UBASH3B: variants seen among roughly 807,000 people sequenced by gnomAD.
UBASH3B encodes the protein ubiquitin-associated and SH3 domain-containing protein B.
In UBASH3B, 37 loss-of-function variants were observed where a neutral mutation model predicts 83.4. The observed-to-expected ratio is 0.44, with a 90% CI of 0.34 to 0.58. The LOEUF (loss-of-function observed/expected upper bound fraction) is 0.58. Among genes scored for constraint, UBASH3B ranks in the 20% least tolerant of loss-of-function variants. The pLI is 0.01. For synonymous variants in UBASH3B, 304 were observed against 318.3 expected (o/e 0.96, Z 0.48); for missense variants, 657 against 827.2 (o/e 0.79, Z 2.52).
At chr11:122,732,454 C>G (rs1860858872) in intron 1 of UBASH3B, among the ~76,000 whole-genome samples, 1 of 152,186 alleles carries the variant, frequency 6.6e-6, no homozygotes, top group African/African-American at 2.4e-5. Flanking sequence ...ATGTGGGCCT[C>G]TCTTTATACT....
At position 122,655,888 on chromosome 11, in the gene UBASH3B, G is replaced by T; in HGVS notation, c.-162G>T. On this transcript the variant is annotated 5_prime_UTR_variant, in exon 1 of 14. Coordinates refer to ENST00000284273, the MANE Select transcript of UBASH3B (RefSeq NM_032873.5). ...CCTGTGGCCTCACCAGGAAGCGTCA[G>T]AGTCCCGACACTGGGGAAGCTCGGA... 1.3e-6 allele frequency: 1 copy of T among 757,528 alleles called. No individual in the cohort carries two copies. Among genetic ancestry groups the T allele is most frequent in the South Asian group, 2.2e-5 (1 of 45,732 alleles). The allele number at this position is 757,528 out of a possible 1,614,324, so 46.9% of individuals were successfully genotyped here. A position where few individuals can be genotyped will look rare whatever the true frequency, so the allele number is the denominator to read the frequency against.
At position 122,806,600 on chromosome 11, in the gene UBASH3B, C is replaced by T. The variant is rs1861343608; in HGVS notation, c.1702+84C>T. 16 of 1,388,750 alleles carry T rather than the reference C, an allele frequency of 1.2e-5. No homozygotes were observed. In the South Asian group the frequency reaches 2.5e-4, roughly 22 times the overall value. 86.0% of individuals were successfully genotyped at this position (1,388,750 alleles called of 1,614,324 possible). The stretch of plus-strand genomic sequence containing the variant: ...TAATAGGTTATTCAAGATGTTTCAA[C>T]TTGCTTTGGCTAACCAAAGAAATGT... On this transcript the variant is annotated intron_variant, in intron 12 of 13. Transcript: ENST00000284273. The surrounding 1 kb of genome is among the most constrained non-coding windows in gnomAD (Gnocchi z 4.0).
At chr11:122,786,486 G>A (rs944310867) in intron 5 of UBASH3B, among the ~76,000 whole-genome samples, 1 of 151,950 alleles carries the variant, frequency 6.6e-6, no homozygotes, top group African/African-American at 2.4e-5. Flanking sequence ...GTGAAACCTC[G>A]TCTCTACTAA....
intron 1 of UBASH3B, among the ~76,000 whole-genome samples, chr11:122,670,181 G>T (rs989911806): frequency 9.8e-6 from 1 of 102,408 alleles, no homozygotes. Flanking sequence ...GAGTGTGAAT[G>T]TGTGTGTGTG....
At chr11:122,688,529 T>G (rs1273761471) in intron 1 of UBASH3B, among the ~76,000 whole-genome samples, 1 of 151,032 alleles carries the variant, frequency 6.6e-6, no homozygotes, top group Non-Finnish European at 1.5e-5. Flanking sequence ...CACTGCAAGC[T>G]CCGCCTCCCA....
intron 1 of UBASH3B, among the ~76,000 whole-genome samples, chr11:122,703,508 C>T (rs1250322776): frequency 5.9e-5 from 9 of 151,978 alleles, no homozygotes; most frequent in Non-Finnish European, 1.0e-4. Context: ...GATGCTTATT[C>T]CCTTGGAAAT....
chr11:122,754,208 G>C (rs190453343), intron 1 of UBASH3B, among the ~76,000 whole-genome samples: 51 of 152,326 alleles, frequency 3.3e-4, no homozygotes, highest in African/African-American at 1.0e-3. Flanking sequence ...GGGGAAATGA[G>C]TCTTTTCCTA....
At chr11:122,659,048 G>A (rs779551257) in intron 1 of UBASH3B, among the ~76,000 whole-genome samples, 11 of 152,092 alleles carry the variant, frequency 7.2e-5, no homozygotes, top group Admixed American at 2.0e-4. Flanking sequence ...CAATCACTGC[G>A]TTTGTGGTCA....
Position 122,783,033 on chromosome 11 carries a change from C to A in UBASH3B, c.602-20C>A. The A allele has an allele frequency of 1.2e-6, 2 of 1,605,824 alleles. No homozygotes were observed. Among genetic ancestry groups the A allele is most frequent in the South Asian group, 1.1e-5 (1 of 90,032 alleles). On this transcript the variant is annotated intron_variant, in intron 4 of 13. Transcript: ENST00000284273. ...TCATCACCACCTTTTAATTACTGAC[C>A]TTTTTCTTCCTTTTTCCAGAAGTGC...
chr11:122,686,961 A>G (rs537475944), intron 1 of UBASH3B, among the ~76,000 whole-genome samples: 1 of 151,708 alleles, frequency 6.6e-6, no homozygotes, highest in Admixed American at 6.6e-5. Context: ...TCCACCTCCC[A>G]GGTTCAAGTG....
At position 122,758,865 on chromosome 11, in the gene UBASH3B, T is replaced by C. The variant is rs553553142; in HGVS notation, c.162-17354T>C. ...TGCATTAAATGCCTAGGTTACCCTT[T>C]AGTGCTGAGCTTGGTCATACCAGGT... On this transcript the variant is annotated intron_variant, in intron 1 of 13. Transcript: ENST00000284273. The surrounding 1 kb of genome is among the most constrained non-coding windows in gnomAD (Gnocchi z 4.2). Among the ~76,000 whole-genome samples, 6 of 152,380 alleles carry C rather than the reference T, an allele frequency of 3.9e-5. No individual in the cohort carries two copies. The South Asian group carries it at 8.3e-4, about 21-fold the overall frequency.
At position 122,766,414 on chromosome 11, in the gene UBASH3B, G is replaced by C. The variant is rs7117712; in HGVS notation, c.162-9805G>C. On this transcript the variant is annotated intron_variant, in intron 1 of 13. Transcript: ENST00000284273. ...CAAAAAATTAGCCAGGCGAGGTAGC[G>C]GGCGCCTGTAGTCCCAGCTACTCCA... is the stretch of plus-strand genomic sequence containing the variant. Among the ~76,000 whole-genome samples, 835 of 152,232 alleles carry C rather than the reference G, an allele frequency of 5.5e-3. 11 individuals are homozygous for C. Among genetic ancestry groups the C allele is most frequent in the African/African-American group, 0.019 (794 of 41,548 alleles).
chr11:122,661,810 C>T (rs2135890149), intron 1 of UBASH3B, among the ~76,000 whole-genome samples: 1 of 145,010 alleles, frequency 6.9e-6, no homozygotes, highest in East Asian at 2.0e-4. Context: ...GAGCCTCAGG[C>T]TAAACTGCAA....
intron 1 of UBASH3B, 109 bp downstream of exon 1, chr11:122,656,319 C>T (rs372381377): frequency 1.5e-5 from 17 of 1,140,848 alleles, no homozygotes; most frequent in Non-Finnish European, 3.4e-6. Context: ...AGCGCGCTCC[C>T]CGCTGCCCGA....
chr11:122,794,665 C>T lies in UBASH3B; in HGVS notation c.981-37C>T, dbSNP rs373185305. The T allele has an allele frequency of 4.3e-6, 7 of 1,612,946 alleles. No homozygotes were observed. The African/African-American group carries it at 9.3e-5, about 22-fold the overall frequency. On this transcript the variant is annotated intron_variant, in intron 6 of 13. Coordinates refer to ENST00000284273, the MANE Select transcript of UBASH3B (RefSeq NM_032873.5). ...AGGAGGAAGTGCTGATGACTGCTGG[C>T]CAGAGCAGTTAACACCTTCCTTATC... is the stretch of plus-strand genomic sequence containing the variant.
At chr11:122,798,793 A>G in intron 9 of UBASH3B, 149 bp from the exon 10 acceptor site, 1 of 564,982 alleles carries the variant, frequency 1.8e-6, no homozygotes, top group South Asian at 2.4e-5. Flanking sequence ...GTTAGAAACT[A>G]ACAAAGGCTG....
chr11:122,677,537 AGTTTCC>A (rs1863683857), intron 1 of UBASH3B, among the ~76,000 whole-genome samples: 1 of 152,166 alleles, frequency 6.6e-6, no homozygotes. Context: ...AGCTTATGTC[AGTTTCC>A]CAGACTAGAC....
chr11:122,753,761 C>A (rs923378639), intron 1 of UBASH3B, among the ~76,000 whole-genome samples: 4 of 152,046 alleles, frequency 2.6e-5, no homozygotes, highest in African/African-American at 9.7e-5. Flanking sequence ...TCCCAAAGTG[C>A]TGGGATTACA....
At chr11:122,693,360 G>A (rs1210984155) in intron 1 of UBASH3B, among the ~76,000 whole-genome samples, 2 of 152,214 alleles carry the variant, frequency 1.3e-5, no homozygotes, top group African/African-American at 2.4e-5. Context: ...GACAATAAGT[G>A]TGTGGTGGGC....
Sources: allele counts gnomAD v4.1 joint callset (sites outside exome capture counted in the v4.1 genomes callset), GRCh38; gene constraint gnomAD v4.1.1; non-coding constraint Gnocchi (gnomAD v3.1); transcripts MANE v1.5; gene names NCBI Gene and HGNC (gene_info 2026-07-23, HGNC 2026-07-21).